The following GLYATL1 variants were observed in gnomAD, a reference collection of about 807,000 sequenced individuals.
GLYATL1 encodes glycine N-acyltransferase-like protein 1.
A neutral mutation model predicts 20.0 loss-of-function variants in GLYATL1; 15 were observed. The ratio of observed to expected loss-of-function variants is 0.75; its 90% confidence interval spans 0.50 to 1.15. The LOEUF (loss-of-function observed/expected upper bound fraction) is 1.15, where lower values mean the gene tolerates loss of function less well. GLYATL1 is among the 50% of genes most tolerant of loss of function. The pLI, the probability that GLYATL1 is intolerant of heterozygous loss-of-function variation, is 0.00. For synonymous variants in GLYATL1, 151 were observed against 131.5 expected, an observed-to-expected ratio of 1.15 and a Z score of -1.01; for missense variants, 380 against 368.5, an observed-to-expected ratio of 1.03 and a Z score of -0.26.
chr11:58,926,801 T>C (rs1004872250), upstream of GLYATL1, among the ~76,000 whole-genome samples: 1 of 152,250 alleles, frequency 6.6e-6, no homozygotes, highest in Non-Finnish European at 1.5e-5. Context: ...ACTTAAATTA[T>C]ATATTTTAAC....
At chr11:58,947,491 T>C in intron 3 of GLYATL1, 1 of 459,158 alleles carries the variant, frequency 2.2e-6, no homozygotes. Flanking sequence ...TTCTTTCCCT[T>C]TCTCTGACTT....
At chr11:58,952,293 C>T (rs992698020) in intron 4 of GLYATL1, among the ~76,000 whole-genome samples, 7 of 152,130 alleles carry the variant, frequency 4.6e-5, no homozygotes, top group Non-Finnish European at 1.0e-4. Context: ...AAAGACCTTC[C>T]AATCAAAGCC....
chr11:58,911,607 T>A (rs1402037768), downstream of GLYATL1, among the ~76,000 whole-genome samples: 2 of 152,238 alleles, frequency 1.3e-5, no homozygotes, highest in Non-Finnish European at 2.9e-5. Context: ...CATCCACATA[T>A]CTTCTTTGGT....
At chr11:58,916,708 A>C (rs1855180889) in intron 1 of GLYATL1, among the ~76,000 whole-genome samples, 1 of 152,232 alleles carries the variant, frequency 6.6e-6, no homozygotes, top group Non-Finnish European at 1.5e-5. Flanking sequence ...TCCTGTTACC[A>C]GTGGATGGTC....
chr11:58,945,833 A>G (rs2135212059), intron 2 of GLYATL1, among the ~76,000 whole-genome samples: 1 of 152,312 alleles, frequency 6.6e-6, no homozygotes, highest in East Asian at 1.9e-4. Flanking sequence ...GGGTATTCAA[A>G]CATTCTGAAA....
chr11:58,906,017 G>A (rs1432337765), intron 1 of GLYATL1, among the ~76,000 whole-genome samples: 1 of 152,214 alleles, frequency 6.6e-6, no homozygotes, highest in African/African-American at 2.4e-5. Flanking sequence ...GAAAAGTTCA[G>A]CTTAGACAGG....
intron 3 of GLYATL1, chr11:58,947,581 C>A: frequency 2.1e-6 from 1 of 484,250 alleles, no homozygotes; most frequent in Non-Finnish European, 3.7e-6. Flanking sequence ...CTGAATAAAT[C>A]TATACAATAT....
At chr11:58,943,296 T>C in intron 1 of GLYATL1, 1 of 1,550,244 alleles carries the variant, frequency 6.5e-7, no homozygotes, top group Non-Finnish European at 8.7e-7. Flanking sequence ...CATAGACTGC[T>C]GAATGTTCAA....
intron 3 of GLYATL1, 127 bp downstream of exon 3, chr11:58,947,292 G>T: frequency 7.7e-7 from 1 of 1,291,998 alleles, no homozygotes. Flanking sequence ...GGATGGGACT[G>T]GGGGCACAGG....
intron 1 of GLYATL1, among the ~76,000 whole-genome samples, chr11:58,914,738 C>T (rs1855130931): frequency 6.6e-6 from 1 of 152,120 alleles, no homozygotes; most frequent in Non-Finnish European, 1.5e-5. Flanking sequence ...TATGGTATTC[C>T]AGCCAGTGAG....
intron 1 of GLYATL1, among the ~76,000 whole-genome samples, chr11:58,930,108 AT>A (rs61636378): frequency 0.33 from 49,333 of 151,622 alleles, 8,526 homozygotes; most frequent in Non-Finnish European, 0.39. Context: ...TTAAAAAAAA[AT>A]TTTTTTCCAA....
At chr11:58,923,432 T>C (rs1027190737), upstream of GLYATL1, among the ~76,000 whole-genome samples, 4 of 152,048 alleles carry the variant, frequency 2.6e-5, no homozygotes, top group Non-Finnish European at 4.4e-5. Flanking sequence ...GGAAATGAAG[T>C]AGTGGCCCGC....
rs1408198161 is a variant in GLYATL1, at chr11:58,955,813, C to T, written c.695C>T (p.Ala232Val). 1 of 1,614,166 alleles carries T rather than the reference C, an allele frequency of 6.2e-7. No individual in the cohort carries two copies. The highest frequency in any genetic ancestry group is 1.7e-5 in the Admixed American group (1 of 60,024). Reference sequence around the variant, plus strand: ...GACCCTTCTTGTGAAGTAGGAATGGCCTACAGCATGGAAAAATACCGAAGG... The same window carrying T: ...GACCCTTCTTGTGAAGTAGGAATGGTCTACAGCATGGAAAAATACCGAAGG... ...TMDPSCEVGMAYSMEKYRRTG... is the reference protein window; with the variant it reads ...TMDPSCEVGMVYSMEKYRRTG... The change falls in exon 7 of 7, where the codon GCC becomes GTC. Residue 232 changes from alanine to valine, a missense_variant. Physicochemically the swap from Ala to Val is moderately conservative, Grantham distance 64. Coordinates refer to ENST00000532726, the MANE Select transcript of GLYATL1 (RefSeq NM_001389712.2).
intron 2 of GLYATL1, among the ~76,000 whole-genome samples, chr11:58,946,373 A>G (rs1856569642): frequency 6.6e-6 from 1 of 152,240 alleles, no homozygotes; most frequent in Non-Finnish European, 1.5e-5. Flanking sequence ...ATGAGATGGA[A>G]CTAAAATTTG....
intron 4 of GLYATL1, 102 bp downstream of exon 4, chr11:58,948,067 C>T (rs1278396731): frequency 1.1e-5 from 8 of 761,068 alleles, no homozygotes; most frequent in African/African-American, 1.7e-5. Context: ...TGAAAGGAAA[C>T]GTGAGTATTT....
chr11:58,909,983 A>G (rs1855000019), downstream of GLYATL1, among the ~76,000 whole-genome samples: 1 of 152,136 alleles, frequency 6.6e-6, no homozygotes, highest in African/African-American at 2.4e-5. Context: ...GAGCTGCAGT[A>G]ATATCAGATG....
chr11:58,951,243 A>C (rs1856972149), intron 4 of GLYATL1, among the ~76,000 whole-genome samples: 1 of 152,140 alleles, frequency 6.6e-6, no homozygotes, highest in Non-Finnish European at 1.5e-5. Flanking sequence ...ATGAATTAAC[A>C]TTCTTTTATA....
At chr11:58,929,763 C>G (rs775457060) in intron 1 of GLYATL1, among the ~76,000 whole-genome samples, 2 of 152,242 alleles carry the variant, frequency 1.3e-5, no homozygotes, top group Non-Finnish European at 2.9e-5. Context: ...TGGGGACCCT[C>G]TCTGTACAGT....
chr11:58,947,589 T>A lies in GLYATL1; in HGVS notation c.79-269T>A, dbSNP rs376457206. ...ATGGACACTGAATAAATCTATACAA[T>A]ATAAATGCTAAGAGCATTGCCAAGT... On this transcript the variant is annotated intron_variant, in intron 3 of 6. Transcript: ENST00000532726. The A allele has an allele frequency of 4.4e-4, 215 of 493,872 alleles. 9 individuals are homozygous for A. The highest frequency in any genetic ancestry group is 1.6e-3 in the East Asian group (47 of 29,168). The allele number at this position is 493,872 out of a possible 1,614,324, so 30.6% of individuals were successfully genotyped here.
Sources: gnomAD v4.1 joint callset for allele counts (sites outside exome capture counted in the v4.1 genomes callset) on GRCh38, gnomAD v4.1.1 for gene constraint, MANE v1.5 for transcripts, NCBI Gene and HGNC (gene_info 2026-07-23, HGNC 2026-07-21) for gene names.